Variants in CMTM8 observed in about 807,000 individuals in gnomAD.
The protein encoded by CMTM8 is CKLF-like MARVEL transmembrane domain-containing protein 8.
CMTM8 carries 12 observed loss-of-function variants against 18.6 expected under a neutral mutation model. The observed-to-expected ratio is 0.65, with a 90% confidence interval of 0.41 to 1.05. The LOEUF (loss-of-function observed/expected upper bound fraction) is 1.05. Among genes scored for constraint, CMTM8 ranks in the 50% least tolerant of loss-of-function variants. The pLI is 0.00. For missense variants in CMTM8, 217 were observed against 227.2 expected (o/e 0.95, Z 0.29); for synonymous variants, 87 against 90.6 (o/e 0.96, Z 0.23).
intron 1 of CMTM8, among the ~76,000 whole-genome samples, chr3:32,336,092 ATCC>A (rs1469395578): frequency 1.3e-5 from 2 of 152,230 alleles, no homozygotes; most frequent in Non-Finnish European, 2.9e-5. Context: ...GCATTTCATA[ATCC>A]TCCTTGTTTG....
chr3:32,264,687 G>A (rs569463490), intron 1 of CMTM8, among the ~76,000 whole-genome samples: 1 of 152,248 alleles, frequency 6.6e-6, no homozygotes, highest in African/African-American at 2.4e-5. Flanking sequence ...ACCCATCAGT[G>A]TGCTGTATTC....
At chr3:32,314,858 C>CGG (rs59739625) in intron 1 of CMTM8, among the ~76,000 whole-genome samples, 1 of 151,226 alleles carries the variant, frequency 6.6e-6, no homozygotes, top group Admixed American at 6.6e-5. Context: ...GGTTGGGTGG[C>CGG]GGGGGGGGTC....
At chr3:32,282,604 C>A (rs1702624413) in intron 1 of CMTM8, among the ~76,000 whole-genome samples, 1 of 152,178 alleles carries the variant, frequency 6.6e-6, no homozygotes, top group African/African-American at 2.4e-5. Context: ...ATTTCCCTGC[C>A]TATAACCGAC....
chr3:32,345,143 A>C (rs1256438743), intron 1 of CMTM8, among the ~76,000 whole-genome samples: 1 of 152,126 alleles, frequency 6.6e-6, no homozygotes, highest in Non-Finnish European at 1.5e-5. Context: ...TAAGAGTTCA[A>C]GACCAGCCTG....
chr3:32,335,501 G>A (rs905944467), intron 1 of CMTM8, among the ~76,000 whole-genome samples: 5 of 152,182 alleles, frequency 3.3e-5, no homozygotes, highest in African/African-American at 1.2e-4. Context: ...CGGAGGGCTT[G>A]ACATTCCTAA....
intron 1 of CMTM8, among the ~76,000 whole-genome samples, chr3:32,322,745 A>G (rs1283133911): frequency 6.6e-6 from 1 of 152,122 alleles, no homozygotes; most frequent in African/African-American, 2.4e-5. Context: ...GGGAAATTAG[A>G]CCTGAGACCG....
chr3:32,270,705 A>C (rs9871795), intron 1 of CMTM8, among the ~76,000 whole-genome samples: 151,287 of 152,154 alleles, frequency 0.99, 75,225 homozygotes, highest in Middle Eastern at 1. Context: ...GAACGTCACA[A>C]CCCGGGGCCT....
chr3:32,299,997 A>G (rs60294565), intron 1 of CMTM8, among the ~76,000 whole-genome samples: 271 of 152,348 alleles, frequency 1.8e-3, no homozygotes, highest in African/African-American at 6.0e-3. Context: ...TCTCCATCAT[A>G]AAAATCATGG....
At chr3:32,299,506 G>A (rs1371513476) in intron 1 of CMTM8, among the ~76,000 whole-genome samples, 1 of 152,188 alleles carries the variant, frequency 6.6e-6, no homozygotes, top group African/African-American at 2.4e-5. Flanking sequence ...TGGCTACATA[G>A]TAGGTGCTTA....
In CMTM8 at chr3:32,264,410, T is replaced by C. The variant is rs577871620; in HGVS notation, c.147+25291T>C. 4.7e-4 allele frequency among the ~76,000 whole-genome samples: 71 copies of C among 152,246 alleles called. No homozygotes were observed. The East Asian group carries it at 0.013, about 27-fold the overall frequency. On this transcript the variant is annotated intron_variant, in intron 1 of 3. Coordinates refer to ENST00000307526, the MANE Select transcript of CMTM8 (RefSeq NM_178868.5). ...TTACAGACAAGCAAATGCTGAGCGA[T>C]TTTGTCACCACTAGGCCTGCCCTAC...
At chr3:32,323,177 C>T (rs1457674608) in intron 1 of CMTM8, among the ~76,000 whole-genome samples, 2 of 152,150 alleles carry the variant, frequency 1.3e-5, no homozygotes, top group East Asian at 3.9e-4. Context: ...GCTCCTGAGG[C>T]CAGCCTGGCT....
intron 1 of CMTM8, among the ~76,000 whole-genome samples, chr3:32,260,512 G>A (rs966072387): frequency 2.0e-5 from 3 of 152,050 alleles, no homozygotes; most frequent in Non-Finnish European, 4.4e-5. Context: ...TACCTGGATT[G>A]CTTTCTGTTT....
intron 1 of CMTM8, among the ~76,000 whole-genome samples, chr3:32,332,181 A>G (rs778987526): frequency 2.0e-5 from 3 of 152,236 alleles, no homozygotes; most frequent in African/African-American, 4.8e-5. Flanking sequence ...TAGTACAATT[A>G]GAAAAGCAAG....
chr3:32,261,240 A>G (rs1471814368), intron 1 of CMTM8, among the ~76,000 whole-genome samples: 1 of 152,138 alleles, frequency 6.6e-6, no homozygotes, highest in African/African-American at 2.4e-5. Flanking sequence ...TTAATAATAC[A>G]TATCTTGTGT....
intron 1 of CMTM8, among the ~76,000 whole-genome samples, chr3:32,335,627 G>A (rs77796654): frequency 1.3e-5 from 2 of 152,174 alleles, no homozygotes; most frequent in Non-Finnish European, 2.9e-5. Context: ...GGGGGCAAAG[G>A]CTAATTAGGT....
chr3:32,240,410 A>C (rs1480935942), intron 1 of CMTM8, among the ~76,000 whole-genome samples: 1 of 152,214 alleles, frequency 6.6e-6, no homozygotes, highest in Non-Finnish European at 1.5e-5. Context: ...TAGGAGTTCA[A>C]CAAATATTTG....
At chr3:32,357,283 T>G in intron 1 of CMTM8, 90 bp from the exon 2 acceptor site, 2 of 960,606 alleles carry the variant, frequency 2.1e-6, no homozygotes, top group Non-Finnish European at 1.6e-6. Flanking sequence ...ACATTCTGTA[T>G]AATTATTTTT....
intron 1 of CMTM8, among the ~76,000 whole-genome samples, chr3:32,245,147 A>T (rs1701992826): frequency 6.6e-6 from 1 of 152,126 alleles, no homozygotes; most frequent in African/African-American, 2.4e-5. Context: ...TCTGTTTCAA[A>T]CCTTTGCAAT....
chr3:32,247,488 T>C (rs1366353746), intron 1 of CMTM8, among the ~76,000 whole-genome samples: 1 of 152,106 alleles, frequency 6.6e-6, no homozygotes, highest in Non-Finnish European at 1.5e-5. Context: ...AATTTTTTCT[T>C]TTTTTTTCTG....
Sources: gnomAD v4.1 joint callset for allele counts (sites outside exome capture counted in the v4.1 genomes callset) on GRCh38, gnomAD v4.1.1 for gene constraint, MANE v1.5 for transcripts, NCBI Gene and HGNC (gene_info 2026-07-23, HGNC 2026-07-21) for gene names.